Variants in RBM5 observed in about 807,000 individuals in gnomAD.
RBM5 encodes RNA-binding protein 5.
In RBM5, 15 loss-of-function variants were observed where a neutral mutation model predicts 124.6. The observed-to-expected ratio is 0.12, with a 90% CI of 0.08 to 0.19. The LOEUF is 0.19. RBM5 is among the 10% of genes least tolerant of loss of function. The probability of loss-of-function intolerance (pLI) is 1.00; values close to 1 mark genes in which losing one functional copy is unlikely to be tolerated. For missense variants in RBM5, 580 were observed against 1,026.5 expected, an observed-to-expected ratio of 0.57 and a Z score of 5.94; for synonymous variants, 337 against 361.2, an observed-to-expected ratio of 0.93 and a Z score of 0.76.
chr3:50,115,918 A>C lies in RBM5; in HGVS notation c.2032A>C (p.Ile678Leu). Residue 678 changes from isoleucine to leucine, a missense_variant, in exon 22 of 25, where the codon ATC (isoleucine) becomes CTC (leucine). Physicochemically the swap from Ile to Leu is conservative, Grantham distance 5. Around this residue, in one of 6 missense-constraint regions of RBM5, gnomAD observed 234 missense variants for 435.1 expected, o/e 0.54. Coordinates refer to ENST00000347869, the MANE Select transcript of RBM5 (RefSeq NM_005778.4). ...ATCTTTTGTGTAGCAAAACATGGAC[A>C]TCTATCGACGATCCAGGCTGAGCGA... ...LSDLHKQNMD[I>L]YRRSRLSEQE... is the part of the protein sequence containing the mutation. The C allele has an allele frequency of 6.2e-7, 1 of 1,613,336 alleles. No homozygotes were observed. The highest frequency in any genetic ancestry group is 8.5e-7 in the Non-Finnish European group (1 of 1,179,298).
At position 50,108,052 on chromosome 3, in the gene RBM5, C is replaced by G; in HGVS notation, c.1042-18C>G. 1 of 1,585,214 alleles carries G rather than the reference C, an allele frequency of 6.3e-7. No homozygotes were observed. Among genetic ancestry groups the G allele is most frequent in the Non-Finnish European group, 8.7e-7 (1 of 1,153,782 alleles). On this transcript the variant is annotated intron_variant, in intron 12 of 24. Transcript: ENST00000347869. The stretch of plus-strand genomic sequence containing the variant: ...ATGCCTACTAAGTTTGTCTTTGTCT[C>G]ATTTTGATGTTTTGTAGTCTCAAAG...
chr3:50,091,921 A>T, intron 2 of RBM5, 122 bp from the exon 3 acceptor site: 1 of 987,508 alleles, frequency 1.0e-6, no homozygotes, highest in Non-Finnish European at 1.5e-6. Flanking sequence ...AATACTTTTT[A>T]ACACTTTAAA....
At chr3:50,099,892 G>T in intron 4 of RBM5, 90 bp from the exon 5 acceptor site, 3 of 1,131,866 alleles carry the variant, frequency 2.7e-6, no homozygotes, top group East Asian at 2.8e-5. Flanking sequence ...AAAAAAACTT[G>T]GCTAATTAAA....
intron 7 of RBM5, 108 bp from the exon 8 acceptor site, chr3:50,104,140 T>C (rs1310686178): frequency 2.3e-6 from 2 of 866,246 alleles, no homozygotes; most frequent in Non-Finnish European, 3.8e-6. Flanking sequence ...CGTGAGACTT[T>C]CTGCTTTTCT....
intron 7 of RBM5, 74 bp from the exon 8 acceptor site, chr3:50,104,174 G>A (rs1366336467): frequency 4.8e-6 from 6 of 1,257,868 alleles, no homozygotes; most frequent in Middle Eastern, 1.9e-4. Flanking sequence ...ACCTACCCGT[G>A]GCCCCACTGT....
chr3:50,104,091 A>G (rs960433217), intron 7 of RBM5, among the ~76,000 whole-genome samples, 157 bp from the exon 8 acceptor site: 23 of 152,312 alleles, frequency 1.5e-4, no homozygotes, highest in African/African-American at 5.5e-4. Flanking sequence ...ACAGTGTTAC[A>G]TTCTGAATTT....
At chr3:50,106,118 ATTTTTTTTTTTTTTTTTTTT>A (rs61297967) in intron 10 of RBM5, among the ~76,000 whole-genome samples, 5 of 32,704 alleles carry the variant, frequency 1.5e-4, no homozygotes, top group Admixed American at 5.9e-4. Context: ...ACGCCCAGCT[ATTTTTTTTTTTTTTTTTTTT>A]TTTTTTTTTT....
rs967514274 is a variant in RBM5 at position 50,117,503 on chromosome 3, A to G, written c.2322+124A>G. On this transcript the variant is annotated intron_variant, in intron 24 of 24. Coordinates refer to ENST00000347869, the MANE Select transcript of RBM5 (RefSeq NM_005778.4). This position sits in a 1 kb window ranked among gnomAD's most constrained non-coding sequence, Gnocchi z 4.2. ...TTACCTTAGCATGAAGGGGCAGATT[A>G]CAGGCATGAGCTCACACCTGTAATC... 2 of 1,360,298 alleles carry G rather than the reference A, an allele frequency of 1.5e-6. No individual in the cohort carries two copies. The highest frequency in any genetic ancestry group is 2.9e-5 in the African/African-American group (2 of 69,258). The allele number at this position is 1,360,298 out of a possible 1,614,324, so 84.3% of individuals were successfully genotyped here.
At position 50,104,694 on chromosome 3, in the gene RBM5, G is replaced by A. The variant is rs370538550; in HGVS notation, c.629-383G>A. 38 of 264,088 alleles carry A rather than the reference G, an allele frequency of 1.4e-4. No homozygotes were observed. The East Asian group carries it at 1.8e-3, about 13-fold the overall frequency. 16.4% of individuals were successfully genotyped at this position (264,088 alleles called of 1,614,324 possible). On this transcript the variant is annotated intron_variant, in intron 8 of 24. Coordinates refer to ENST00000347869, the MANE Select transcript of RBM5 (RefSeq NM_005778.4). ...AAATAGGGTTGTTAACTGTGAGCCT[G>A]AGGAAAAGTATAGATTTTAGTGTAC... is the stretch of plus-strand genomic sequence containing the variant.
rs2090923996 is a variant in RBM5, at chr3:50,100,852, T to G, written c.483+247T>G. On this transcript the variant is annotated intron_variant, in intron 6 of 24. Transcript: ENST00000347869. The surrounding 1 kb of genome is among the most constrained non-coding windows in gnomAD (Gnocchi z 5.1). ...TGTTAACTACTGAATACCTGTCTGG[T>G]AATCACTAAAACATCTTAATGTTTC... 1.2e-5 allele frequency: 5 copies of G among 404,904 alleles called. No homozygotes were observed. Among genetic ancestry groups the G allele is most frequent in the Non-Finnish European group, 2.2e-5 (5 of 226,902 alleles). The allele number at this position is 404,904 out of a possible 1,614,324, so 25.1% of individuals were successfully genotyped here. A position where few individuals can be genotyped will look rare whatever the true frequency, so the allele number is the denominator to read the frequency against.
intron 20 of RBM5, chr3:50,115,169 A>G (rs993466240): frequency 2.5e-6 from 1 of 394,796 alleles, no homozygotes; most frequent in Non-Finnish European, 4.5e-6. Flanking sequence ...CTCCTTCTCC[A>G]AAGAAATAGA....
intron 10 of RBM5, 34 bp downstream of exon 10, chr3:50,105,743 G>C: frequency 6.2e-7 from 1 of 1,607,286 alleles, no homozygotes. Context: ...CTTTTTAAAA[G>C]AAACAGCTTT....
intron 14 of RBM5, among the ~76,000 whole-genome samples, chr3:50,108,871 C>T (rs912160265): frequency 6.6e-6 from 1 of 152,178 alleles, no homozygotes; most frequent in South Asian, 2.1e-4. Flanking sequence ...TGTATTTCCC[C>T]TCTCTGTGTT....
At chr3:50,106,650 A>G (rs115583888) in intron 10 of RBM5, 117 bp from the exon 11 acceptor site, 7,811 of 705,738 alleles carry the variant, frequency 0.011, 69 homozygotes, top group Non-Finnish European at 0.014. Context: ...TGCAAACACA[A>G]TAAGGAATTA....
chr3:50,095,583 C>G (rs1353144424), intron 4 of RBM5, among the ~76,000 whole-genome samples: 2 of 151,902 alleles, frequency 1.3e-5, no homozygotes, highest in Non-Finnish European at 2.9e-5. Context: ...GGACTTTGGA[C>G]ATGTCCATTG....
chr3:50,102,224 G>A (rs1559684828), intron 6 of RBM5: 1 of 151,906 alleles, frequency 6.6e-6, no homozygotes, highest in African/African-American at 2.4e-5. Flanking sequence ...GGCTCTTTAG[G>A]GGTAGGTGCT....
intron 14 of RBM5, 34 bp from the exon 15 acceptor site, chr3:50,109,569 C>G (rs1438463636): frequency 6.3e-7 from 1 of 1,584,696 alleles, no homozygotes; most frequent in Non-Finnish European, 8.7e-7. Flanking sequence ...CGTTCAGTGC[C>G]TTGGCTTTCC....
intron 3 of RBM5, chr3:50,092,773 G>A (rs2090726931): frequency 2.2e-6 from 1 of 451,246 alleles, no homozygotes; most frequent in Non-Finnish European, 4.4e-6. Flanking sequence ...TGTTGGCCAG[G>A]CACAGTGGCT....
chr3:50,110,943 G>T, intron 17 of RBM5, 173 bp downstream of exon 17: 1 of 581,584 alleles, frequency 1.7e-6, no homozygotes, highest in South Asian at 2.6e-5. Flanking sequence ...TTTAATTGTA[G>T]GGTTAAAAAA....
Sources: gnomAD v4.1 joint callset for allele counts (sites outside exome capture counted in the v4.1 genomes callset) on GRCh38, gnomAD v4.1.1 for gene constraint, gnomAD v4.1.1 regional missense constraint, Gnocchi (gnomAD v3.1) non-coding constraint, MANE v1.5 for transcripts, NCBI Gene and HGNC (gene_info 2026-07-23, HGNC 2026-07-21) for gene names.